The following PTPRG variants were observed in gnomAD, a reference collection of about 807,000 sequenced individuals.
PTPRG encodes protein tyrosine phosphatase receptor type G, also known as receptor-type tyrosine-protein phosphatase gamma.
PTPRG carries 102 observed loss-of-function variants against 165.3 expected under a neutral mutation model. That is an observed-to-expected ratio of 0.62 (90% CI 0.53 to 0.73). PTPRG has a LOEUF of 0.73. PTPRG is among the 30% of genes least tolerant of loss of function. The pLI, the probability that PTPRG is intolerant of heterozygous loss-of-function variation, is 0.00. For synonymous variants in PTPRG, 675 were observed against 669.5 expected (o/e 1.01, Z -0.13); for missense variants, 1,866 against 1,861.4 (o/e 1.00, Z -0.05).
chr3:61,847,134 C>G (rs924129265), intron 2 of PTPRG, among the ~76,000 whole-genome samples: 27 of 152,098 alleles, frequency 1.8e-4, no homozygotes, highest in African/African-American at 6.3e-4. Context: ...AATAAGGTTG[C>G]TACAGATATA....
At chr3:62,127,439 T>C (rs1249335635) in intron 5 of PTPRG, among the ~76,000 whole-genome samples, 1 of 152,194 alleles carries the variant, frequency 6.6e-6, no homozygotes, top group Non-Finnish European at 1.5e-5. Context: ...GAATACACAG[T>C]TACCTGCTAA....
chr3:61,877,805 A>T (rs1330390803), intron 2 of PTPRG, among the ~76,000 whole-genome samples: 1 of 152,168 alleles, frequency 6.6e-6, no homozygotes, highest in African/African-American at 2.4e-5. Context: ...CTCTGAACAA[A>T]CTGTGTGTGT....
rs1050833737 is a variant in PTPRG at position 62,297,052 on chromosome 3, T to C, written c.*3745T>C. 6.6e-6 allele frequency: 1 copy of C among 152,070 alleles called. No homozygotes were observed. The highest frequency in any genetic ancestry group is 1.5e-5 in the Non-Finnish European group (1 of 67,956). The allele number at this position is 152,070 out of a possible 1,614,324, so 9.4% of individuals were successfully genotyped here. ...GTTTCTAAAGAATTCTGGCTTCACA[T>C]TGACTCATGTTTCTTTCACTCCATT... On this transcript the variant is annotated 3_prime_UTR_variant, in exon 30 of 30. Transcript: ENST00000474889.
intron 5 of PTPRG, among the ~76,000 whole-genome samples, chr3:62,118,761 C>T (rs1404793086): frequency 6.6e-6 from 1 of 152,150 alleles, no homozygotes; most frequent in African/African-American, 2.4e-5. Flanking sequence ...CATTTTACCC[C>T]TGCAGAACAA....
At chr3:61,923,440 GTACA>G (rs2107566380) in intron 2 of PTPRG, among the ~76,000 whole-genome samples, 1 of 151,594 alleles carries the variant, frequency 6.6e-6, no homozygotes, top group African/African-American at 2.4e-5. Context: ...AAGTTTTAGG[GTACA>G]TGTGCACAAC....
chr3:62,205,398 T>C (rs1700203616), intron 12 of PTPRG, among the ~76,000 whole-genome samples: 1 of 152,194 alleles, frequency 6.6e-6, no homozygotes, highest in Admixed American at 6.5e-5. Context: ...AGGCTAGGCT[T>C]TGGCAGTAGA....
intron 8 of PTPRG, among the ~76,000 whole-genome samples, chr3:62,178,726 C>T (rs764026788): frequency 6.6e-6 from 1 of 152,170 alleles, no homozygotes; most frequent in Non-Finnish European, 1.5e-5. Flanking sequence ...TGTTTTCACA[C>T]TTTACCTAAT....
intron 2 of PTPRG, among the ~76,000 whole-genome samples, chr3:61,752,802 G>A (rs146846186): frequency 0.033 from 3,372 of 101,432 alleles, 35 homozygotes; most frequent in Middle Eastern, 0.05. Context: ...AAAAAAAAAA[G>A]AAAAAAAAAA....
In PTPRG at chr3:61,707,296, C is replaced by T. The variant is rs186080373; in HGVS notation, c.86-41582C>T. ...GTGTTCTCCAGAGAAATAGAACCAA[C>T]GGGATCTATATGGAGAGAAAGATTT... On this transcript the variant is annotated intron_variant, in intron 1 of 29. Coordinates refer to ENST00000474889, the MANE Select transcript of PTPRG (RefSeq NM_002841.4). Among the ~76,000 whole-genome samples, 42 of 152,272 alleles carry T rather than the reference C, an allele frequency of 2.8e-4. 1 individual carries two copies. In the East Asian group the frequency reaches 5.6e-3, roughly 20 times the overall value.
At chr3:61,640,286 A>T (rs1037022567) in intron 1 of PTPRG, among the ~76,000 whole-genome samples, 1 of 152,198 alleles carries the variant, frequency 6.6e-6, no homozygotes, top group African/African-American at 2.4e-5. Context: ...ACAGACAACA[A>T]TCAGTCTTTT....
chr3:61,757,312 A>G (rs1415057758), intron 2 of PTPRG, among the ~76,000 whole-genome samples: 3 of 152,098 alleles, frequency 2.0e-5, no homozygotes, highest in South Asian at 4.1e-4. Context: ...GAATATTTCA[A>G]TTTCTTCTAC....
At chr3:62,263,530 G>T (rs1440220989) in intron 17 of PTPRG, 1 of 152,578 alleles carries the variant, frequency 6.6e-6, no homozygotes, top group Non-Finnish European at 1.5e-5. Context: ...TGGCTCACTG[G>T]CATATAATAT....
intron 2 of PTPRG, among the ~76,000 whole-genome samples, chr3:61,968,070 C>G (rs999847104): frequency 6.6e-6 from 1 of 152,126 alleles, no homozygotes; most frequent in Non-Finnish European, 1.5e-5. Flanking sequence ...AAATTCCTTA[C>G]AGTGACATGT....
rs1382062769 is a variant in PTPRG, at chr3:62,217,533, A to G, written c.2156-1318A>G. 3 of 152,214 alleles carry G rather than the reference A, an allele frequency of 2.0e-5. 1 individual carries two copies. The highest frequency in any genetic ancestry group is 4.8e-5 in the African/African-American group (2 of 41,426). The allele number at this position is 152,214 out of a possible 1,614,324, so 9.4% of individuals were successfully genotyped here. ...ACCTGATTAGCTCTGCATTTAGTCC[A>G]TCCTGCAGAGGGACACTCCGGGCTG... On this transcript the variant is annotated intron_variant, in intron 12 of 29. Transcript: ENST00000474889. The surrounding 1 kb of genome is among the most constrained non-coding windows in gnomAD (Gnocchi z 4.3).
intron 14 of PTPRG, among the ~76,000 whole-genome samples, chr3:62,242,246 G>C (rs1004561014): frequency 4.6e-5 from 7 of 152,210 alleles, no homozygotes; most frequent in African/African-American, 1.7e-4. Flanking sequence ...CACAAATTTA[G>C]GTAAAGGCAG....
chr3:62,030,873 C>A (rs1699747828), intron 4 of PTPRG, among the ~76,000 whole-genome samples: 1 of 152,070 alleles, frequency 6.6e-6, no homozygotes, highest in African/African-American at 2.4e-5. Flanking sequence ...AGACTGACCC[C>A]CCACTGCCTG....
intron 10 of PTPRG, among the ~76,000 whole-genome samples, chr3:62,196,659 CT>C (rs1699971154): frequency 6.6e-6 from 1 of 152,152 alleles, no homozygotes; most frequent in South Asian, 2.1e-4. Context: ...GTGCTGGACT[CT>C]GCTCTGCCAG....
In PTPRG at chr3:62,282,790, A is replaced by C. The variant is rs375595940; in HGVS notation, c.3976A>C (p.Ile1326Leu). 9.9e-6 allele frequency: 16 copies of C among 1,612,664 alleles called. No individual in the cohort carries two copies. Among genetic ancestry groups the C allele is most frequent in the Non-Finnish European group, 1.4e-5 (16 of 1,179,208 alleles). The change falls in exon 28 of 30, where the codon ATA becomes CTA. Residue 1326 changes from isoleucine (I) to leucine (L), a missense_variant. Coordinates refer to ENST00000474889, the MANE Select transcript of PTPRG (RefSeq NM_002841.4). Reference protein sequence around the residue: ...CPKWPNPDAPISSTFELINVI... With the variant: ...CPKWPNPDAPLSSTFELINVI... ...CAAATGGCCTAACCCAGATGCCCCC[A>C]TAAGTAGTACCTTTGAACTTATCAA...
chr3:62,062,332 G>A (rs1009487711), intron 4 of PTPRG, among the ~76,000 whole-genome samples: 1 of 152,134 alleles, frequency 6.6e-6, no homozygotes, highest in Non-Finnish European at 1.5e-5. Context: ...TGAATGGATA[G>A]CAGGATGAAC....
Sources: allele counts gnomAD v4.1 joint callset (sites outside exome capture counted in the v4.1 genomes callset), GRCh38; gene constraint gnomAD v4.1.1; non-coding constraint Gnocchi (gnomAD v3.1); transcripts MANE v1.5; gene names NCBI Gene and HGNC (gene_info 2026-07-23, HGNC 2026-07-21).